Variants in GABRB1 observed in about 807,000 individuals in gnomAD.
The protein encoded by GABRB1 is gamma-aminobutyric acid type A receptor subunit beta1, also known as gamma-aminobutyric acid receptor subunit beta-1.
In GABRB1, 17 loss-of-function variants were observed where a neutral mutation model predicts 51.6. The observed-to-expected ratio is 0.33, with a 90% CI of 0.23 to 0.49. The LOEUF (loss-of-function observed/expected upper bound fraction) is 0.49, where lower values mean the gene tolerates loss of function less well. Among genes scored for constraint, GABRB1 ranks in the 20% least tolerant of loss-of-function variants. The probability of loss-of-function intolerance (pLI) is 0.99; values close to 1 mark genes in which losing one functional copy is unlikely to be tolerated. For synonymous variants in GABRB1, 247 were observed against 218.9 expected (o/e 1.13, Z -1.14); for missense variants, 410 against 600.6 (o/e 0.68, Z 3.32).
chr4:47,272,988 TC>T (rs199766426), intron 4 of GABRB1, among the ~76,000 whole-genome samples: 44 of 3,254 alleles, frequency 0.014, no homozygotes, highest in African/African-American at 0.13. Flanking sequence ...AATGATGAGT[TC>T]ACTGTAGTGA....
intron 8 of GABRB1, among the ~76,000 whole-genome samples, chr4:47,424,516 G>A (rs1040127811): frequency 7.2e-5 from 11 of 151,886 alleles, no homozygotes; most frequent in East Asian, 3.9e-4. Context: ...TGTATTTGCC[G>A]CCTATGTTTT....
intron 4 of GABRB1, among the ~76,000 whole-genome samples, chr4:47,295,171 A>G (rs1723922597): frequency 6.6e-6 from 1 of 152,250 alleles, no homozygotes; most frequent in South Asian, 2.1e-4. Flanking sequence ...AACGGAGCAG[A>G]AAAACTGGAA....
intron 1 of GABRB1, among the ~76,000 whole-genome samples, chr4:47,019,690 T>TTCTTTC (rs1560498252): frequency 2.5e-5 from 3 of 117,656 alleles, no homozygotes; most frequent in African/African-American, 9.5e-5. Context: ...CTTCTTTCCT[T>TTCTTTC]CTTCTTTCCT....
chr4:47,402,351 G>GA (rs1441089549), intron 5 of GABRB1, among the ~76,000 whole-genome samples: 2 of 151,976 alleles, frequency 1.3e-5, no homozygotes, highest in African/African-American at 2.4e-5. Flanking sequence ...AATTCTAATG[G>GA]AAAAAAAGAT....
At chr4:47,159,654 G>A (rs1218934429) in intron 3 of GABRB1, among the ~76,000 whole-genome samples, 3 of 152,010 alleles carry the variant, frequency 2.0e-5, no homozygotes, top group African/African-American at 7.2e-5. Flanking sequence ...TGGTTTCTGA[G>A]TAAATAGTAT....
chr4:47,133,413 A>T (rs2109677561), intron 3 of GABRB1, among the ~76,000 whole-genome samples: 1 of 152,360 alleles, frequency 6.6e-6, no homozygotes. Flanking sequence ...CAATGAATGT[A>T]GATATTGATG....
chr4:47,140,470 G>T lies in GABRB1; in HGVS notation c.241-20779G>T, dbSNP rs149300519. ...TAGGGAAATCTAGAAAATCCCAAAA[G>T]AGCTCCTAAACACTTTTTTTGTATC... is the stretch of plus-strand genomic sequence containing the variant. On this transcript the variant is annotated intron_variant, in intron 3 of 8. Transcript: ENST00000295454. 1.3e-3 allele frequency among the ~76,000 whole-genome samples: 191 copies of T among 151,988 alleles called. 1 individual carries two copies. The highest frequency in any genetic ancestry group is 6.8e-3 in the Middle Eastern group (2 of 294).
chr4:47,065,646 T>TAA (rs1489138657), intron 3 of GABRB1, among the ~76,000 whole-genome samples: 1 of 152,366 alleles, frequency 6.6e-6, no homozygotes, highest in Admixed American at 6.5e-5. Context: ...TCACTGGGTG[T>TAA]AATATAAACT....
intron 4 of GABRB1, among the ~76,000 whole-genome samples, chr4:47,213,628 G>A (rs907962486): frequency 3.9e-5 from 6 of 151,916 alleles, no homozygotes; most frequent in East Asian, 1.9e-4. Flanking sequence ...CAGCTGGGGG[G>A]TTTTCTTTCT....
At chr4:47,259,708 T>C (rs1463568822) in intron 4 of GABRB1, among the ~76,000 whole-genome samples, 4 of 152,192 alleles carry the variant, frequency 2.6e-5, no homozygotes, top group Non-Finnish European at 5.9e-5. Context: ...GGTTCCAGAA[T>C]AACCTTGGGT....
At chr4:47,072,132 G>C (rs1577881251) in intron 3 of GABRB1, among the ~76,000 whole-genome samples, 1 of 151,462 alleles carries the variant, frequency 6.6e-6, no homozygotes. Context: ...GCTTGAAAAA[G>C]TTTCAAATTT....
intron 3 of GABRB1, among the ~76,000 whole-genome samples, chr4:47,080,848 T>C (rs1040239771): frequency 2.0e-5 from 3 of 152,230 alleles, no homozygotes; most frequent in East Asian, 1.9e-4. Context: ...TCTCTAGTTG[T>C]ATTTAAATGC....
At chr4:47,321,199 T>C (rs1465730525) in intron 5 of GABRB1, among the ~76,000 whole-genome samples, 1 of 152,164 alleles carries the variant, frequency 6.6e-6, no homozygotes. Flanking sequence ...TGTTAGAAAT[T>C]GACAGATGTT....
chr4:47,194,316 A>C (rs1338004008), intron 4 of GABRB1, among the ~76,000 whole-genome samples: 7 of 151,868 alleles, frequency 4.6e-5, no homozygotes, highest in Admixed American at 4.6e-4. Context: ...TAATATACAT[A>C]CTCTTTTTAA....
chr4:47,195,784 T>C (rs536499628), intron 4 of GABRB1, among the ~76,000 whole-genome samples: 1 of 152,240 alleles, frequency 6.6e-6, no homozygotes, highest in African/African-American at 2.4e-5. Flanking sequence ...TCCACTGAAT[T>C]ATTCCATGTA....
chr4:47,382,551 GA>G (rs2110030748), intron 5 of GABRB1, among the ~76,000 whole-genome samples: 1 of 152,292 alleles, frequency 6.6e-6, no homozygotes, highest in African/African-American at 2.4e-5. Context: ...AGGTAGCACA[GA>G]TTATTGGCCC....
At chr4:47,102,223 T>C (rs1714754432) in intron 3 of GABRB1, among the ~76,000 whole-genome samples, 1 of 151,912 alleles carries the variant, frequency 6.6e-6, no homozygotes, top group Non-Finnish European at 1.5e-5. Flanking sequence ...GAAGCTTGGA[T>C]TTAAGTTGTG....
intron 5 of GABRB1, among the ~76,000 whole-genome samples, chr4:47,360,051 T>C (rs1158399118): frequency 6.6e-6 from 1 of 151,740 alleles, no homozygotes; most frequent in Non-Finnish European, 1.5e-5. Context: ...GATCACCTAA[T>C]ATGGCCAAAT....
intron 4 of GABRB1, among the ~76,000 whole-genome samples, chr4:47,162,654 A>G (rs982035920): frequency 6.6e-6 from 1 of 152,058 alleles, no homozygotes; most frequent in Non-Finnish European, 1.5e-5. Flanking sequence ...AGTACCTTAT[A>G]TAAGGGAATA....
Sources: allele counts gnomAD v4.1 joint callset (sites outside exome capture counted in the v4.1 genomes callset), GRCh38; gene constraint gnomAD v4.1.1; transcripts MANE v1.5; gene names NCBI Gene and HGNC (gene_info 2026-07-23, HGNC 2026-07-21).